The following TYW1B variants were observed in gnomAD, a reference collection of about 807,000 sequenced individuals.
The protein encoded by TYW1B is S-adenosyl-L-methionine-dependent tRNA 4-demethylwyosine synthase TYW1B.
A neutral mutation model predicts 86.9 loss-of-function variants in TYW1B; 73 were observed. That is an observed-to-expected ratio of 0.84 (90% CI 0.70 to 1.02). The LOEUF is 1.02. Among genes scored for constraint, TYW1B ranks in the 50% least tolerant of loss-of-function variants. The pLI is 0.00. For synonymous variants in TYW1B, 248 were observed against 292.8 expected, an observed-to-expected ratio of 0.85 and a Z score of 1.56; for missense variants, 637 against 827.4, an observed-to-expected ratio of 0.77 and a Z score of 2.82.
Position 72,616,752 on chromosome 7 carries a change from C to T in TYW1B, c.1705G>A (p.Glu569Lys), listed in dbSNP as rs782616380. ...WHEEVVQFVR[E>K]LVDLIPEYEI... ...TATTCGGGGATCAGATCCACCAGCT[C>T]GCGGACAAACTGTACCACTTCCTCA... The change falls in exon 13 of 14, where the codon GAG becomes AAG. Residue 569 changes from glutamate (E) to lysine (K), a missense_variant. Physicochemically the swap from Glu to Lys is moderately conservative, Grantham distance 56 (BLOSUM62 1). Transcript: ENST00000620995. 13 of 1,614,210 alleles carry T rather than the reference C, an allele frequency of 8.1e-6. No homozygotes were observed. The highest frequency in any genetic ancestry group is 3.3e-5 in the South Asian group (3 of 91,084).
At position 72,777,401 on chromosome 7, in the gene TYW1B, C is replaced by T. The variant is rs1554470730; in HGVS notation, c.964+15G>A. On this transcript the variant is annotated intron_variant, in intron 7 of 13. Transcript: ENST00000620995. ...AGACTATAGTCATATAACAACAATT[C>T]TTGAAGATTTTCACCTTGTTTAGTA... The T allele has an allele frequency of 6.2e-7, 1 of 1,612,414 alleles. No individual in the cohort carries two copies. The highest frequency in any genetic ancestry group is 8.5e-7 in the Non-Finnish European group (1 of 1,179,240).
intron 8 of TYW1B, among the ~76,000 whole-genome samples, chr7:72,730,676 A>AGGAGAGAGGAGGAG (rs1787087081): frequency 6.6e-6 from 1 of 151,542 alleles, no homozygotes; most frequent in Non-Finnish European, 1.5e-5. Context: ...GAAAGGATAG[A>AGGAGAGAGGAGGAG]GGAGAGAGGA....
At chr7:72,748,723 T>C (rs1554464338) in intron 7 of TYW1B, among the ~76,000 whole-genome samples, 2 of 151,616 alleles carry the variant, frequency 1.3e-5, no homozygotes, top group African/African-American at 4.8e-5. Flanking sequence ...GCATGTTTGA[T>C]ATGGTGGATT....
intron 11 of TYW1B, among the ~76,000 whole-genome samples, chr7:72,633,828 C>A (rs1554440355): frequency 1.3e-5 from 2 of 151,914 alleles, no homozygotes; most frequent in Non-Finnish European, 2.9e-5. Flanking sequence ...TGGATTATGT[C>A]CAGGTTTTAG....
chr7:72,720,750 TTTATTA>T (rs1325946151), intron 9 of TYW1B, among the ~76,000 whole-genome samples: 1 of 151,948 alleles, frequency 6.6e-6, no homozygotes, highest in Admixed American at 6.6e-5. Context: ...TCTAAATTTC[TTTATTA>T]TTATTATTAT....
chr7:72,776,539 TGAGA>T (rs1296923727), intron 7 of TYW1B, among the ~76,000 whole-genome samples: 1 of 105,966 alleles, frequency 9.4e-6, no homozygotes, highest in South Asian at 3.1e-4. Flanking sequence ...CCAGACTGGG[TGAGA>T]GAGACTCTGT....
At chr7:72,617,569 G>A (rs1325526386) in intron 12 of TYW1B, among the ~76,000 whole-genome samples, 1 of 152,162 alleles carries the variant, frequency 6.6e-6, no homozygotes, top group Non-Finnish European at 1.5e-5. Context: ...GTTTCGCCAT[G>A]TTGACCAGGC....
intron 13 of TYW1B, among the ~76,000 whole-genome samples, chr7:72,579,189 C>T (rs1177037090): frequency 2.0e-5 from 3 of 152,110 alleles, no homozygotes; most frequent in Non-Finnish European, 2.9e-5. Flanking sequence ...GAACTGCTGG[C>T]TGCAACTCAC....
chr7:72,583,199 C>T (rs1319793575), intron 13 of TYW1B, among the ~76,000 whole-genome samples: 3 of 152,068 alleles, frequency 2.0e-5, no homozygotes, highest in Non-Finnish European at 4.4e-5. Context: ...CCCATCTCTA[C>T]TAAAAATACA....
chr7:72,803,645 G>A (rs1437776524), intron 5 of TYW1B, among the ~76,000 whole-genome samples: 2 of 151,980 alleles, frequency 1.3e-5, no homozygotes, highest in East Asian at 1.9e-4. Context: ...GTTGAGTCTC[G>A]TTCTGTCACC....
At chr7:72,618,109 G>T (rs1812120795) in intron 12 of TYW1B, among the ~76,000 whole-genome samples, 1 of 151,814 alleles carries the variant, frequency 6.6e-6, no homozygotes, top group African/African-American at 2.4e-5. Flanking sequence ...GGGGAGAAAG[G>T]CATGTGCACC....
At chr7:72,728,982 G>A (rs1313357063) in intron 8 of TYW1B, 51 bp from the exon 9 acceptor site, 4 of 1,534,528 alleles carry the variant, frequency 2.6e-6, no homozygotes, top group Non-Finnish European at 3.6e-6. Context: ...TAAGATCTGG[G>A]CTAGTCATTT....
intron 11 of TYW1B, among the ~76,000 whole-genome samples, chr7:72,643,588 A>G (rs1314625767): frequency 1.3e-5 from 2 of 151,966 alleles, no homozygotes; most frequent in Non-Finnish European, 2.9e-5. Flanking sequence ...CTCCATCTTA[A>G]AAGAAAAAAA....
intron 11 of TYW1B, among the ~76,000 whole-genome samples, chr7:72,691,841 A>T (rs1396273476): frequency 6.6e-6 from 1 of 152,216 alleles, no homozygotes; most frequent in Non-Finnish European, 1.5e-5. Context: ...ACAAAGACTT[A>T]ATCGGCTGGA....
chr7:72,758,545 G>A (rs1191008724), intron 7 of TYW1B, among the ~76,000 whole-genome samples: 1 of 151,988 alleles, frequency 6.6e-6, no homozygotes, highest in African/African-American at 2.4e-5. Flanking sequence ...AGAGCACTAA[G>A]AATTGCTGAT....
chr7:72,827,176 G>C (rs1370209280), intron 1 of TYW1B, among the ~76,000 whole-genome samples, 191 bp from the exon 2 acceptor site: 4 of 152,226 alleles, frequency 2.6e-5, no homozygotes, highest in African/African-American at 9.6e-5. Context: ...GGGTGGCTGA[G>C]GCGGGCAGAT....
At chr7:72,578,245 C>T (rs1811072746) in intron 13 of TYW1B, among the ~76,000 whole-genome samples, 2 of 151,756 alleles carry the variant, frequency 1.3e-5, no homozygotes, top group South Asian at 2.1e-4. Context: ...TCCCGAGTAG[C>T]TGGGACTACA....
intron 3 of TYW1B, among the ~76,000 whole-genome samples, chr7:72,811,460 A>C (rs1406753213): frequency 6.6e-6 from 1 of 151,982 alleles, no homozygotes. Context: ...CTGTGGTGTC[A>C]GAAAGACGAG....
At chr7:72,649,147 T>C (rs1438831503) in intron 11 of TYW1B, among the ~76,000 whole-genome samples, 20 of 152,076 alleles carry the variant, frequency 1.3e-4, no homozygotes, top group African/African-American at 4.3e-4. Context: ...AACATGGGAA[T>C]TGTATGGAAA....
Sources: gnomAD v4.1 joint callset for allele counts (sites outside exome capture counted in the v4.1 genomes callset) on GRCh38, gnomAD v4.1.1 for gene constraint, MANE v1.5 for transcripts, NCBI Gene and HGNC (gene_info 2026-07-23, HGNC 2026-07-21) for gene names.